Variants in BAZ2B observed in about 807,000 individuals in gnomAD.
The protein encoded by BAZ2B is bromodomain adjacent to zinc finger domain 2B, also known as bromodomain adjacent to zinc finger domain protein 2B.
BAZ2B carries 91 observed loss-of-function variants against 246.0 expected under a neutral mutation model. The ratio of observed to expected loss-of-function variants is 0.37; its 90% CI spans 0.31 to 0.44. BAZ2B has a LOEUF of 0.44. Among genes scored for constraint, BAZ2B ranks in the 20% least tolerant of loss-of-function variants. The pLI, the probability that BAZ2B is intolerant of heterozygous loss-of-function variation, is 1.00. For synonymous variants in BAZ2B, 855 were observed against 860.0 expected (o/e 0.99, Z 0.10); for missense variants, 2,332 against 2,533.7 (o/e 0.92, Z 1.71).
chr2:159,320,602 C>G (rs2062602996), intron 36 of BAZ2B, among the ~76,000 whole-genome samples, 184 bp from the exon 37 acceptor site: 1 of 152,136 alleles, frequency 6.6e-6, no homozygotes, highest in Admixed American at 6.5e-5. Context: ...TGTTCTGGAA[C>G]ATACTGGATT....
downstream of BAZ2B, among the ~76,000 whole-genome samples, chr2:159,317,540 T>G (rs1302261168): frequency 6.6e-6 from 1 of 152,238 alleles, no homozygotes; most frequent in Non-Finnish European, 1.5e-5. Context: ...TGATGATTAT[T>G]TTCTGTGTTC....
At chr2:159,698,816 A>G in the BAZ2B span, among the ~76,000 whole-genome samples, 1 of 152,198 alleles carries the variant, frequency 6.6e-6, no homozygotes, top group Non-Finnish European at 1.5e-5. Context: ...TAATTTTAAA[A>G]TTTCTAATAG....
downstream of BAZ2B, among the ~76,000 whole-genome samples, chr2:159,315,582 T>G (rs1558905259): frequency 6.6e-6 from 1 of 152,210 alleles, no homozygotes; most frequent in Non-Finnish European, 1.5e-5. Flanking sequence ...TGGCTGGTTT[T>G]GCCGAGAACA....
At chr2:159,523,290 A>C (rs1376614911) in intron 2 of BAZ2B, among the ~76,000 whole-genome samples, 3 of 152,138 alleles carry the variant, frequency 2.0e-5, no homozygotes, top group African/African-American at 7.2e-5. Context: ...TAGTCTTAGC[A>C]ACTCAGGACA....
chr2:159,339,660 A>G (rs1038756893), intron 31 of BAZ2B, among the ~76,000 whole-genome samples: 2 of 152,190 alleles, frequency 1.3e-5, no homozygotes, highest in Admixed American at 6.5e-5. Flanking sequence ...AAAATATGGA[A>G]TCAACCTAAA....
intron 1 of BAZ2B, among the ~76,000 whole-genome samples, chr2:159,570,345 T>C (rs549188067): frequency 5.3e-5 from 8 of 152,024 alleles, no homozygotes; most frequent in Non-Finnish European, 1.0e-4. Flanking sequence ...CCACCATGCC[T>C]GGCTAATTTT....
intron 1 of BAZ2B, among the ~76,000 whole-genome samples, chr2:159,575,994 T>C (rs1304985922): frequency 6.6e-6 from 1 of 152,122 alleles, no homozygotes; most frequent in Admixed American, 6.6e-5. Flanking sequence ...ATTAGTAAAA[T>C]ATCTTTCCTT....
At chr2:159,430,720 T>C (rs11884486) in intron 10 of BAZ2B, 143 bp downstream of exon 10, 15,163 of 1,334,998 alleles carry the variant, frequency 0.011, 543 homozygotes, top group African/African-American at 0.089. Flanking sequence ...CCTTTGAAAA[T>C]ACAGGCTCAC....
At chr2:159,512,300 G>A (rs62173245) in intron 2 of BAZ2B, among the ~76,000 whole-genome samples, 9 of 151,980 alleles carry the variant, frequency 5.9e-5, no homozygotes, top group Admixed American at 2.0e-4. Flanking sequence ...CTTCTATTTC[G>A]ATCCAGAAGG....
chr2:159,428,059 T>C lies in BAZ2B; in HGVS notation c.2365-17A>G, dbSNP rs1436300684. Reference sequence around the variant, plus strand: ...GCTGAGATACTGAAAAAATCACATATTTTTCCACTTCAGGTTTTAATAATT... The same window carrying C: ...GCTGAGATACTGAAAAAATCACATACTTTTCCACTTCAGGTTTTAATAATT... On this transcript the variant is annotated splice_polypyrimidine_tract_variant and intron_variant, in intron 12 of 36. Transcript: ENST00000392783. 9 of 1,605,414 alleles carry C rather than the reference T, an allele frequency of 5.6e-6. No individual in the cohort carries two copies. The Admixed American group carries it at 1.0e-4, about 18-fold the overall frequency.
the BAZ2B span, among the ~76,000 whole-genome samples, chr2:159,622,147 T>C: frequency 6.7e-6 from 1 of 149,852 alleles, no homozygotes; most frequent in African/African-American, 2.5e-5. Context: ...TGCATGCATG[T>C]AGTCCTAGCT....
At chr2:159,500,170 A>G (rs1452345616) in intron 2 of BAZ2B, among the ~76,000 whole-genome samples, 2 of 152,196 alleles carry the variant, frequency 1.3e-5, no homozygotes, top group African/African-American at 4.8e-5. Context: ...TTAAGTCTTT[A>G]ATCCATCTTG....
At chr2:159,489,413 G>A (rs914419239) in intron 2 of BAZ2B, among the ~76,000 whole-genome samples, 31 of 152,216 alleles carry the variant, frequency 2.0e-4, no homozygotes, top group African/African-American at 7.2e-4. Context: ...ACTGACCCAG[G>A]GACCTGTGAG....
chr2:159,413,553 C>T (rs1365156809), intron 13 of BAZ2B, among the ~76,000 whole-genome samples: 3 of 151,940 alleles, frequency 2.0e-5, no homozygotes, highest in Admixed American at 6.6e-5. Flanking sequence ...ACTAAAAATA[C>T]AAAAATCAGC....
chr2:159,683,948 G>A, the BAZ2B span, among the ~76,000 whole-genome samples: 1 of 152,146 alleles, frequency 6.6e-6, no homozygotes, highest in Non-Finnish European at 1.5e-5. Flanking sequence ...ATATCTCTGG[G>A]AGGCCATGAT....
chr2:159,698,525 A>AC, the BAZ2B span, among the ~76,000 whole-genome samples: 1 of 145,702 alleles, frequency 6.9e-6, no homozygotes, highest in Admixed American at 6.7e-5. Context: ...CAAAAAAAAA[A>AC]AAACAAAAAA....
chr2:159,704,198 G>A, the BAZ2B span, among the ~76,000 whole-genome samples: 1 of 152,278 alleles, frequency 6.6e-6, no homozygotes, highest in South Asian at 2.1e-4. Context: ...CAGTACATAT[G>A]TCATATGTAT....
At chr2:159,634,442 T>G in the BAZ2B span, among the ~76,000 whole-genome samples, 1 of 152,224 alleles carries the variant, frequency 6.6e-6, no homozygotes, top group Non-Finnish European at 1.5e-5. Flanking sequence ...ATAGAAAATC[T>G]GCATCCAACT....
chr2:159,577,716 G>A (rs765543800), intron 1 of BAZ2B, among the ~76,000 whole-genome samples: 1 of 152,124 alleles, frequency 6.6e-6, no homozygotes, highest in Non-Finnish European at 1.5e-5. Flanking sequence ...ATCTTAAAAC[G>A]TATCTGCTTC....
Sources: allele counts gnomAD v4.1 joint callset (sites outside exome capture counted in the v4.1 genomes callset), GRCh38; gene constraint gnomAD v4.1.1; transcripts MANE v1.5; gene names NCBI Gene and HGNC (gene_info 2026-07-23, HGNC 2026-07-21).